Variants in LRRTM1 observed in about 807,000 individuals in gnomAD.
LRRTM1 encodes the protein leucine-rich repeat transmembrane neuronal protein 1.
Under a neutral mutation model 37.3 loss-of-function variants are expected in LRRTM1, and 8 were observed. The ratio of observed to expected loss-of-function variants is 0.21; its 90% CI spans 0.13 to 0.39. The LOEUF is 0.39. LRRTM1 is among the 10% of genes least tolerant of loss of function. The probability of loss-of-function intolerance (pLI) is 1.00; values close to 1 mark genes in which losing one functional copy is unlikely to be tolerated. For synonymous variants in LRRTM1, 326 were observed against 316.8 expected (o/e 1.03, Z -0.31); for missense variants, 557 against 691.0 (o/e 0.81, Z 2.17).
downstream of LRRTM1, chr2:80,298,675 C>T (rs1407171946): frequency 6.6e-6 from 1 of 152,216 alleles, no homozygotes; most frequent in Non-Finnish European, 1.5e-5. Context: ...AAATGTCTGC[C>T]TTCTTGAAGG....
rs1676510757 is a variant in LRRTM1 at position 80,303,031 on chromosome 2, C to T, written c.789G>A (p.Leu263=). ...CCATGTACTCGATCTCGTTGCCCGACAAGTCCATTTTCTCCAGGTTCCAAA... is the reference window on the plus strand; with the variant it reads ...CCATGTACTCGATCTCGTTGCCCGATAAGTCCATTTTCTCCAGGTTCCAAA... ...DWVWNLEKMD[L]SGNEIEYMEP... The change falls in exon 2 of 2, where the codon TTG becomes TTA. Residue 263 remains leucine, a synonymous_variant. Coordinates refer to ENST00000295057, the MANE Select transcript of LRRTM1 (RefSeq NM_178839.5). This position sits in a 1 kb window ranked among gnomAD's most constrained non-coding sequence, Gnocchi z 7.7. 1 of 1,613,688 alleles carries T rather than the reference C, an allele frequency of 6.2e-7. No individual in the cohort carries two copies. Among genetic ancestry groups the T allele is most frequent in the Non-Finnish European group, 8.5e-7 (1 of 1,179,990 alleles).
rs770253093 is a variant in LRRTM1, at chr2:80,302,965, C to T, written c.855G>A (p.Leu285=). The change falls in exon 2 of 2, where the codon CTG becomes CTA. Residue 285 remains leucine, a synonymous_variant. Coordinates refer to ENST00000295057, the MANE Select transcript of LRRTM1 (RefSeq NM_178839.5). The surrounding 1 kb of genome is among the most constrained non-coding windows in gnomAD (Gnocchi z 6.4). ...VFETVPHLQS[L]QLDSNRLTYI... ...AGGTGAGGCGGTTGGAGTCCAGCTGCAGGGACTGCAGGTGCGGCACGGTCT... is the reference window on the plus strand; with the variant it reads ...AGGTGAGGCGGTTGGAGTCCAGCTGTAGGGACTGCAGGTGCGGCACGGTCT... The T allele has an allele frequency of 1.2e-6, 2 of 1,613,214 alleles. No individual in the cohort carries two copies. The highest frequency in any genetic ancestry group is 1.7e-6 in the Non-Finnish European group (2 of 1,179,918).
chr2:80,297,945 C>T (rs987289168), downstream of LRRTM1, among the ~76,000 whole-genome samples: 19 of 151,912 alleles, frequency 1.3e-4, no homozygotes, highest in Admixed American at 1.2e-3. Context: ...AAGGTAGTTA[C>T]ATAATGGTCA....
At chr2:80,296,051 T>C (rs752122823) in intron 2 of LRRTM1, among the ~76,000 whole-genome samples, 1 of 152,154 alleles carries the variant, frequency 6.6e-6, no homozygotes, top group Non-Finnish European at 1.5e-5. Flanking sequence ...AGCTTATTTT[T>C]TTTTAGTTTT....
chr2:80,290,376 T>C (rs1355745177), intron 2 of LRRTM1, among the ~76,000 whole-genome samples: 1 of 152,082 alleles, frequency 6.6e-6, no homozygotes, highest in Non-Finnish European at 1.5e-5. Context: ...CCAAACTTCC[T>C]TGACCTTCTC....
At position 80,302,839 on chromosome 2, in the gene LRRTM1, C is replaced by G. The variant is rs1393641772; in HGVS notation, c.981G>C (p.Ser327=). ...AGCGCCCCTGGAAGTTGTTGAGCCA[C>G]GAGGCTAGGGCACACACGTTGCGCC... is the stretch of plus-strand genomic sequence containing the variant. ...DCGRNVCALA[S]WLNNFQGRYD... The change falls in exon 2 of 2, where the codon TCG becomes TCC. Residue 327 remains serine, a synonymous_variant. Coordinates refer to ENST00000295057, the MANE Select transcript of LRRTM1 (RefSeq NM_178839.5). The surrounding 1 kb of genome is among the most constrained non-coding windows in gnomAD (Gnocchi z 6.4). The G allele has an allele frequency of 6.2e-7, 1 of 1,614,064 alleles. No homozygotes were observed. Among genetic ancestry groups the G allele is most frequent in the South Asian group, 1.1e-5 (1 of 91,084 alleles).
downstream of LRRTM1, chr2:80,298,054 C>A (rs1011026932): frequency 3.3e-5 from 5 of 150,774 alleles, no homozygotes; most frequent in Non-Finnish European, 5.9e-5. Flanking sequence ...TATATATACA[C>A]ACACACACAT....
At chr2:80,292,229 A>ATAACTCTTTCAT (rs1675325205) in intron 2 of LRRTM1, among the ~76,000 whole-genome samples, 1 of 152,192 alleles carries the variant, frequency 6.6e-6, no homozygotes. Context: ...TTTATAAGGA[A>ATAACTCTTTCAT]TAACTCTTTC....
At chr2:80,296,980 A>C (rs963871840), downstream of LRRTM1, among the ~76,000 whole-genome samples, 1 of 152,208 alleles carries the variant, frequency 6.6e-6, no homozygotes, top group South Asian at 2.1e-4. Flanking sequence ...TAACATATGG[A>C]TGTCTCTACT....
At chr2:80,291,891 A>G (rs997073748) in intron 2 of LRRTM1, among the ~76,000 whole-genome samples, 8 of 152,218 alleles carry the variant, frequency 5.3e-5, no homozygotes, top group Non-Finnish European at 1.0e-4. Context: ...AAGGCAAGCC[A>G]CTAAAGAACC....
At chr2:80,291,449 G>A (rs1203577005) in intron 2 of LRRTM1, among the ~76,000 whole-genome samples, 1 of 152,192 alleles carries the variant, frequency 6.6e-6, no homozygotes, top group African/African-American at 2.4e-5. Flanking sequence ...TCTTGATACA[G>A]GACCTCCTCT....
rs779900741 is a variant in LRRTM1, at chr2:80,303,504, C to G, written c.316G>C (p.Gly106Arg). Residue 106 changes from glycine to arginine, a missense_variant, in exon 2 of 2, where the codon GGG becomes CGG. Gly to Arg is a moderately radical substitution (Grantham distance 125). Around this residue, in one of 5 missense-constraint regions of LRRTM1, gnomAD observed 140 missense variants for 138.1 expected, o/e 1.01. Transcript: ENST00000295057. The surrounding 1 kb of genome is among the most constrained non-coding windows in gnomAD (Gnocchi z 7.7). ...LDHNHICSVQGDAFQKLRRVK... is the reference protein window; with the variant it reads ...LDHNHICSVQRDAFQKLRRVK... ...CGGCGCAGTTTCTGAAAGGCGTCCCCCTGCACGGAGCAGATGTGATTGTGA... is the reference window on the plus strand; with the variant it reads ...CGGCGCAGTTTCTGAAAGGCGTCCCGCTGCACGGAGCAGATGTGATTGTGA... 1 of 1,614,234 alleles carries G rather than the reference C, an allele frequency of 6.2e-7. No homozygotes were observed. Among genetic ancestry groups the G allele is most frequent in the South Asian group, 1.1e-5 (1 of 91,088 alleles).
rs1437257572 is a variant in LRRTM1, at chr2:80,303,698, T to C, written c.122A>G (p.Gln41Arg). The C allele has an allele frequency of 6.2e-7, 1 of 1,610,060 alleles. No individual in the cohort carries two copies. Among genetic ancestry groups the C allele is most frequent in the Non-Finnish European group, 8.5e-7 (1 of 1,177,902 alleles). ...CAGCCGCCCCTCGCACCGGCACAGC[T>C]GCGGGCACCCGCTGGGGGCGGCGGG... ...MLPAAPSGCP[Q>R]LCRCEGRLLY... is the part of the protein sequence containing the mutation. Residue 41 changes from glutamine (Q) to arginine (R), a missense_variant, in exon 2 of 2, where the codon CAG (glutamine) becomes CGG (arginine). Gln to Arg is a conservative substitution (Grantham distance 43). This residue lies in a region of LRRTM1 where 140 missense variants were observed against 138.1 expected (regional missense o/e 1.01). Transcript: ENST00000295057. The surrounding 1 kb of genome is among the most constrained non-coding windows in gnomAD (Gnocchi z 7.7).
intron 2 of LRRTM1, among the ~76,000 whole-genome samples, chr2:80,290,675 G>A: frequency 6.6e-6 from 1 of 151,676 alleles, no homozygotes; most frequent in South Asian, 2.1e-4. Flanking sequence ...TGTACTATAT[G>A]TATATCTGTG....
chr2:80,303,037 C>A lies in LRRTM1; in HGVS notation c.783G>T (p.Met261Ile), dbSNP rs1185534048. 2 of 1,613,864 alleles carry A rather than the reference C, an allele frequency of 1.2e-6. No homozygotes were observed. The highest frequency in any genetic ancestry group is 2.2e-5 in the South Asian group (2 of 91,060). ...SLDWVWNLEK[M>I]DLSGNEIEYM... Reference sequence around the variant, plus strand: ...ACTCGATCTCGTTGCCCGACAAGTCCATTTTCTCCAGGTTCCAAACCCAGT... The same window carrying A: ...ACTCGATCTCGTTGCCCGACAAGTCAATTTTCTCCAGGTTCCAAACCCAGT... Residue 261 changes from methionine to isoleucine, a missense_variant, in exon 2 of 2, where the codon ATG becomes ATT. Transcript: ENST00000295057. This position sits in a 1 kb window ranked among gnomAD's most constrained non-coding sequence, Gnocchi z 7.7.
rs1404634078 is a variant in LRRTM1, at chr2:80,303,208, A to G, written c.612T>C (p.Ser204=). ...CGGTGAGCTTAAACAAGCCGGCGAA[A>G]GAGTTGCGCGCCAGACTCTTGAGCT... The part of the protein sequence containing the change: ...YNQLKSLARN[S]FAGLFKLTEL... The change falls in exon 2 of 2, where the codon TCT becomes TCC. Residue 204 remains serine (S), a synonymous_variant. Transcript: ENST00000295057. The surrounding 1 kb of genome is among the most constrained non-coding windows in gnomAD (Gnocchi z 7.7). 3 of 1,613,908 alleles carry G rather than the reference A, an allele frequency of 1.9e-6. No individual in the cohort carries two copies. The highest frequency in any genetic ancestry group is 2.5e-6 in the Non-Finnish European group (3 of 1,179,932).
At chr2:80,296,950 T>C (rs1466331662), downstream of LRRTM1, among the ~76,000 whole-genome samples, 2 of 152,142 alleles carry the variant, frequency 1.3e-5, no homozygotes, top group Non-Finnish European at 2.9e-5. Context: ...AAGGAAGAAA[T>C]GCAGATAAAT....
rs2149206632 is a variant in LRRTM1, at chr2:80,302,422, C to A, written c.1398G>T (p.Thr466=). Residue 466 remains threonine, a synonymous_variant, in exon 2 of 2, where the codon ACG becomes ACT. Transcript: ENST00000295057. This position sits in a 1 kb window ranked among gnomAD's most constrained non-coding sequence, Gnocchi z 6.4. ...GTTTCTGCTTTTGCTTCCTGCGCTG[C>A]GTGACAAAGCACTGTCTGAGCTGCC... ...SLRQLRQCFV[T]QRRKQKQKQT... 2 of 1,614,202 alleles carry A rather than the reference C, an allele frequency of 1.2e-6. No homozygotes were observed. The highest frequency in any genetic ancestry group is 1.7e-6 in the Non-Finnish European group (2 of 1,180,046).
chr2:80,300,766 A>T (rs1411678936), downstream of LRRTM1, among the ~76,000 whole-genome samples: 1 of 152,154 alleles, frequency 6.6e-6, no homozygotes, highest in East Asian at 1.9e-4. Flanking sequence ...ACATTTGCTT[A>T]AATTGTCATC....
Sources: gnomAD v4.1 joint callset for allele counts (sites outside exome capture counted in the v4.1 genomes callset) on GRCh38, gnomAD v4.1.1 for gene constraint, gnomAD v4.1.1 regional missense constraint, Gnocchi (gnomAD v3.1) non-coding constraint, MANE v1.5 for transcripts, NCBI Gene and HGNC (gene_info 2026-07-23, HGNC 2026-07-21) for gene names.